Variants in PCDH11Y observed in about 807,000 individuals in gnomAD.
PCDH11Y encodes the protein protocadherin-11 Y-linked.
For synonymous variants in PCDH11Y, 9 were observed against 83.6 expected (o/e 0.11, Z 4.87); for missense variants, 12 against 224.8 (o/e 0.05, Z 6.05).
At chrY:5,043,791 C>T (rs2124624545) in intron 3 of PCDH11Y, among the ~76,000 whole-genome samples, 1 of 32,855 alleles carries the variant, frequency 3.0e-5, no homozygotes, top group Non-Finnish European at 7.5e-5. Flanking sequence ...ATTTCAGATC[C>T]TGTTATTGGT....
At chrY:5,326,345 A>G in intron 2 of PCDH11Y, among the ~76,000 whole-genome samples, 7 of 32,085 alleles carry the variant, frequency 2.2e-4, no homozygotes, top group African/African-American at 8.7e-4. Context: ...CTTGATGTGT[A>G]GGGAAGGGAG....
intron 4 of PCDH11Y, among the ~76,000 whole-genome samples, chrY:5,582,484 A>G (rs2053451699): frequency 6.4e-5 from 2 of 31,492 alleles, no homozygotes; most frequent in Admixed American, 3.0e-4. Context: ...GTGCATATGC[A>G]CACATTTCTT....
intron 2 of PCDH11Y, chrY:5,207,266 G>C (rs2052933315): frequency 4.5e-6 from 1 of 222,873 alleles, no homozygotes; most frequent in African/African-American, 8.2e-5. Context: ...CAGCATTGAC[G>C]TTCTTGCCAT....
At chrY:5,144,204 A>G (rs1602875839) in intron 2 of PCDH11Y, among the ~76,000 whole-genome samples, 1 of 33,308 alleles carries the variant, frequency 3.0e-5, no homozygotes, top group South Asian at 6.6e-4. Context: ...ATTTTGTATG[A>G]ACATTAAAAT....
chrY:5,041,242 A>G, intron 3 of PCDH11Y, among the ~76,000 whole-genome samples: 3 of 30,054 alleles, frequency 1.0e-4, no homozygotes, highest in Non-Finnish European at 2.4e-4. Flanking sequence ...ATATCTCCCA[A>G]TGCTATCCCT....
chrY:5,049,306 G>T, intron 3 of PCDH11Y, among the ~76,000 whole-genome samples: 1 of 29,779 alleles, frequency 3.4e-5, no homozygotes, highest in Admixed American at 3.3e-4. Flanking sequence ...TTGAAGTCAG[G>T]TAATGTGATG....
At position 5,099,127 on chromosome Y, in the gene PCDH11Y, T is replaced by C. The variant is rs2052762850; in HGVS notation, c.1549T>C (p.Leu517=). 7.6e-6 allele frequency: 3 copies of C among 396,083 alleles called. No individual in the cohort carries two copies. The Admixed American group carries it at 2.3e-4, about 30-fold the overall frequency. The change falls in exon 2 of 2, where the codon TTG becomes CTG. Residue 517 remains leucine, a synonymous_variant. Coordinates refer to ENST00000215473, the Ensembl canonical transcript of PCDH11Y. ...TGAGAATAACTCTCCTGGCATCCAG[T>C]TGATGAAAGTAAGTGCAACGGATGC...
chrY:5,387,016 G>A, intron 2 of PCDH11Y, among the ~76,000 whole-genome samples: 1 of 26,416 alleles, frequency 3.8e-5, no homozygotes, highest in African/African-American at 1.5e-4. Flanking sequence ...GGGGCTCAAG[G>A]TTGCTGTTTA....
intron 3 of PCDH11Y, among the ~76,000 whole-genome samples, chrY:5,546,299 T>G: frequency 3.1e-5 from 1 of 32,746 alleles, no homozygotes; most frequent in South Asian, 6.7e-4. Flanking sequence ...TTATTGTAAT[T>G]GCTACTAGGG....
intron 2 of PCDH11Y, among the ~76,000 whole-genome samples, chrY:5,277,180 C>G: frequency 1.6e-4 from 1 of 6,329 alleles, no homozygotes; most frequent in African/African-American, 6.1e-4. Flanking sequence ...AGAATAGACA[C>G]TAACCTTGCA....
chrY:5,466,051 G>A (rs1602929462), intron 2 of PCDH11Y, among the ~76,000 whole-genome samples: 1 of 33,089 alleles, frequency 3.0e-5, no homozygotes, highest in Non-Finnish European at 7.5e-5. Flanking sequence ...CAAACAATGG[G>A]AAATTGGAAA....
intron 4 of PCDH11Y, among the ~76,000 whole-genome samples, chrY:5,670,356 C>A (rs2124708176): frequency 3.1e-5 from 1 of 31,966 alleles, no homozygotes; most frequent in South Asian, 6.9e-4. Context: ...TATGGTAGCT[C>A]AATTTTTGTT....
intron 3 of PCDH11Y, among the ~76,000 whole-genome samples, chrY:5,044,576 A>G: frequency 3.0e-5 from 1 of 32,923 alleles, no homozygotes. Flanking sequence ...GCTGAAAAAA[A>G]TGTATATTCT....
chrY:5,270,266 C>T, intron 2 of PCDH11Y, among the ~76,000 whole-genome samples: 1 of 26,954 alleles, frequency 3.7e-5, no homozygotes, highest in Non-Finnish European at 8.6e-5. Context: ...CCAGCACTTT[C>T]GAAGGCCAAG....
chrY:5,728,862 A>G, intron 4 of PCDH11Y, among the ~76,000 whole-genome samples: 3 of 32,677 alleles, frequency 9.2e-5, no homozygotes, highest in Non-Finnish European at 2.3e-4. Context: ...CTTATAAGGG[A>G]GAACATGCAA....
chrY:5,328,388 C>T, intron 2 of PCDH11Y, among the ~76,000 whole-genome samples: 1 of 33,363 alleles, frequency 3.0e-5, no homozygotes. Flanking sequence ...TATTGCACAC[C>T]TTGAAGGTGA....
chrY:5,369,255 C>T, intron 2 of PCDH11Y, among the ~76,000 whole-genome samples: 1 of 32,546 alleles, frequency 3.1e-5, no homozygotes, highest in Non-Finnish European at 7.5e-5. Context: ...AATTGTATCT[C>T]CCAGAATTCC....
intron 2 of PCDH11Y, among the ~76,000 whole-genome samples, chrY:5,342,046 G>A (rs1602908012): frequency 2.8e-4 from 9 of 32,689 alleles, no homozygotes; most frequent in African/African-American, 6.0e-4. Context: ...GTATATCCTA[G>A]TGTAAGTGTT....
intron 2 of PCDH11Y, among the ~76,000 whole-genome samples, chrY:5,145,881 C>T: frequency 1.8e-4 from 6 of 33,382 alleles, no homozygotes; most frequent in Admixed American, 1.4e-3. Context: ...CGAGTCCATA[C>T]TCTACACTTT....
Sources: allele counts gnomAD v4.1 joint callset (sites outside exome capture counted in the v4.1 genomes callset), GRCh38; gene constraint gnomAD v4.1.1; transcripts MANE v1.5; gene names NCBI Gene and HGNC (gene_info 2026-07-23, HGNC 2026-07-21).